Variants in D2HGDH observed in about 807,000 individuals in gnomAD.
D2HGDH encodes the protein D-2-hydroxyglutarate dehydrogenase.
D2HGDH carries 31 observed loss-of-function variants against 46.9 expected under a neutral mutation model. The ratio of observed to expected loss-of-function variants is 0.66; its 90% CI spans 0.50 to 0.89. D2HGDH has a LOEUF of 0.89. Ranked by LOEUF, D2HGDH falls within the 40% of genes least tolerant of loss-of-function variation. The probability of loss-of-function intolerance (pLI) is 0.00; values close to 1 mark genes in which losing one functional copy is unlikely to be tolerated. For synonymous variants in D2HGDH, 364 were observed against 332.6 expected, an observed-to-expected ratio of 1.09 and a Z score of -1.03; for missense variants, 698 against 720.8, an observed-to-expected ratio of 0.97 and a Z score of 0.36.
In D2HGDH at chr2:241,755,838, T is replaced by C. The variant is rs370442687; in HGVS notation, c.1141-11T>C. ...TAGCCAGCCCTTGTCTCATCTCGTC[T>C]CATCCTCTAGATGCTGTGGGCCCTG... On this transcript the variant is annotated splice_polypyrimidine_tract_variant and intron_variant, in intron 8 of 9. Coordinates refer to ENST00000321264, the MANE Select transcript of D2HGDH (RefSeq NM_152783.5). 6.2e-7 allele frequency: 1 copy of C among 1,611,440 alleles called. No homozygotes were observed. The highest frequency in any genetic ancestry group is 8.5e-7 in the Non-Finnish European group (1 of 1,178,316).
chr2:241,748,119 G>A (rs959755435), intron 6 of D2HGDH, among the ~76,000 whole-genome samples: 5 of 86,888 alleles, frequency 5.8e-5, no homozygotes, highest in African/African-American at 1.6e-4. Flanking sequence ...GCTCTTCAGC[G>A]TTTTTTTGTT....
chr2:241,749,377 G>T, intron 6 of D2HGDH: 1 of 1,279,306 alleles, frequency 7.8e-7, no homozygotes, highest in Non-Finnish European at 1.0e-6. Flanking sequence ...CCTTTGCATT[G>T]CCTCCCTGTC....
At chr2:241,762,012 C>T (rs1209323238) in intron 9 of D2HGDH, among the ~76,000 whole-genome samples, 1 of 151,886 alleles carries the variant, frequency 6.6e-6, no homozygotes, top group African/African-American at 2.4e-5. Flanking sequence ...AGGGCAGTTC[C>T]CTTCGGGGGA....
At chr2:241,757,825 G>A (rs1341220176) in intron 9 of D2HGDH, among the ~76,000 whole-genome samples, 1 of 152,130 alleles carries the variant, frequency 6.6e-6, no homozygotes, top group Non-Finnish European at 1.5e-5. Context: ...TGGGCATGGT[G>A]GCAGGCACCT....
intron 9 of D2HGDH, among the ~76,000 whole-genome samples, chr2:241,760,493 C>T (rs893749651): frequency 1.2e-4 from 17 of 140,122 alleles, no homozygotes; most frequent in African/African-American, 4.7e-4. Context: ...TGGGCCTTAC[C>T]CAGTCAAAGG....
At position 241,761,033 on chromosome 2, in the gene D2HGDH, A is replaced by G. The variant is rs147495498; in HGVS notation, c.1306+5019A>G. ...TCTCTGGGAGCCCTGATGGCTGCAC[A>G]GTGCGAGGACTTCAGGGCCCCGTCA... On this transcript the variant is annotated intron_variant, in intron 9 of 9. Coordinates refer to ENST00000321264, the MANE Select transcript of D2HGDH (RefSeq NM_152783.5). Among the ~76,000 whole-genome samples the G allele has an allele frequency of 2.7e-3, 412 of 152,340 alleles. 2 individuals are homozygous for G. The highest frequency in any genetic ancestry group is 6.8e-3 in the Middle Eastern group (2 of 294).
rs576708132 is a variant in D2HGDH at position 241,743,254 on chromosome 2, C to T, written c.491-368C>T. ...GGTGTTGAGCAGCATCCTTGGCCTC[C>T]GCCTACAAGGTGCCCATGGCACCCC... On this transcript the variant is annotated intron_variant, in intron 4 of 9. Coordinates refer to ENST00000321264, the MANE Select transcript of D2HGDH (RefSeq NM_152783.5). The surrounding 1 kb of genome is among the most constrained non-coding windows in gnomAD (Gnocchi z 4.8). Among the ~76,000 whole-genome samples the T allele has an allele frequency of 3.3e-5, 5 of 152,338 alleles. No homozygotes were observed. Among genetic ancestry groups the T allele is most frequent in the South Asian group, 2.1e-4 (1 of 4,832 alleles).
At chr2:241,734,808 TG>T (rs1051158322) in intron 1 of D2HGDH, 113 bp downstream of exon 1, 15 of 165,812 alleles carry the variant, frequency 9.0e-5, no homozygotes, top group African/African-American at 3.1e-4. Context: ...TCGGTGCCTG[TG>T]GGGGGAGGGG....
intron 2 of D2HGDH, among the ~76,000 whole-genome samples, chr2:241,739,082 T>C (rs112643191): frequency 1.6e-3 from 238 of 152,358 alleles, no homozygotes; most frequent in African/African-American, 5.3e-3. Context: ...GGCCCCTGTG[T>C]CACCTCTGGC....
At chr2:241,747,567 ATTC>A (rs1696210541) in intron 6 of D2HGDH, among the ~76,000 whole-genome samples, 1 of 123,186 alleles carries the variant, frequency 8.1e-6, no homozygotes, top group Admixed American at 8.4e-5. Context: ...TTTTTACATT[ATTC>A]TTCTGTATTT....
intron 9 of D2HGDH, among the ~76,000 whole-genome samples, chr2:241,760,559 C>T (rs112565642): frequency 6.7e-6 from 1 of 149,454 alleles, no homozygotes; most frequent in Admixed American, 6.7e-5. Flanking sequence ...TTTGACACAG[C>T]GTGGGTGGGC....
At chr2:241,752,757 G>A (rs1448095922) in intron 8 of D2HGDH, among the ~76,000 whole-genome samples, 3 of 151,706 alleles carry the variant, frequency 2.0e-5, no homozygotes, top group Non-Finnish European at 2.9e-5. Context: ...AGTCAGTCAT[G>A]CAGCCCCCAC....
At chr2:241,749,491 G>T (rs1696725229) in intron 6 of D2HGDH, 12 of 871,678 alleles carry the variant, frequency 1.4e-5, no homozygotes, top group Non-Finnish European at 1.8e-5. Context: ...GCACTTGAGG[G>T]TCGGCTTCCC....
At position 241,742,051 on chromosome 2, in the gene D2HGDH, G is replaced by A. The variant is rs752335713; in HGVS notation, c.351-384G>A. Among the ~76,000 whole-genome samples the A allele has an allele frequency of 5.9e-5, 9 of 152,182 alleles. No individual in the cohort carries two copies. Among genetic ancestry groups the A allele is most frequent in the East Asian group, 1.9e-4 (1 of 5,184 alleles). On this transcript the variant is annotated intron_variant, in intron 3 of 9. Transcript: ENST00000321264. This position sits in a 1 kb window ranked among gnomAD's most constrained non-coding sequence, Gnocchi z 4.8. ...GCACACGTCTGGGGGATAATGGGCC[G>A]AGGGTGGGGAGATGCAGGCAGAGGG...
Position 241,743,686 on chromosome 2 carries a change from C to G in D2HGDH, c.555C>G (p.Asp185Glu). 3 of 1,614,056 alleles carry G rather than the reference C, an allele frequency of 1.9e-6. No homozygotes were observed. The highest frequency in any genetic ancestry group is 1.3e-5 in the African/African-American group (1 of 75,056). ...TGAGCCGGTATGTGGAGGAACGGGA[C>G]TTCATCATGCCGCTGGACTTAGGAG... Reference protein sequence around the residue: ...EELSRYVEERDFIMPLDLGAK... With the variant: ...EELSRYVEEREFIMPLDLGAK... The change falls in exon 5 of 10, where the codon GAC becomes GAG. Residue 185 changes from aspartate to glutamate, a missense_variant. By Grantham distance (45) the Asp-to-Glu change is conservative (BLOSUM62 2). Transcript: ENST00000321264. The surrounding 1 kb of genome is among the most constrained non-coding windows in gnomAD (Gnocchi z 4.8).
chr2:241,757,918 C>T (rs991655429), intron 9 of D2HGDH, among the ~76,000 whole-genome samples: 2 of 149,914 alleles, frequency 1.3e-5, no homozygotes, highest in Non-Finnish European at 3.0e-5. Context: ...GAGGTTGCAC[C>T]ATTGCACTCC....
At chr2:241,759,933 T>C (rs1698589371) in intron 9 of D2HGDH, among the ~76,000 whole-genome samples, 1 of 152,282 alleles carries the variant, frequency 6.6e-6, no homozygotes, top group Non-Finnish European at 1.5e-5. Context: ...TGGATGTTTC[T>C]GTGAAGATAT....
At chr2:241,752,882 C>G (rs1321059199) in intron 8 of D2HGDH, among the ~76,000 whole-genome samples, 1 of 149,550 alleles carries the variant, frequency 6.7e-6, no homozygotes, top group Non-Finnish European at 1.5e-5. Context: ...CCCATGCCAC[C>G]CCCAGGGCGG....
At chr2:241,735,828 C>T (rs542986746) in intron 2 of D2HGDH, 8 of 395,244 alleles carry the variant, frequency 2.0e-5, no homozygotes, top group Non-Finnish European at 3.3e-5. Flanking sequence ...AGTGGCGCGA[C>T]GTCGGCTCAC....
Sources: allele counts gnomAD v4.1 joint callset (sites outside exome capture counted in the v4.1 genomes callset), GRCh38; gene constraint gnomAD v4.1.1; non-coding constraint Gnocchi (gnomAD v3.1); transcripts MANE v1.5; gene names NCBI Gene and HGNC (gene_info 2026-07-23, HGNC 2026-07-21).